The following SYN2 variants were observed in gnomAD, a reference collection of about 807,000 sequenced individuals.
The protein encoded by SYN2 is synapsin II.
Under a neutral mutation model 50.9 loss-of-function variants are expected in SYN2, and 19 were observed. The observed-to-expected ratio is 0.37, with a 90% CI of 0.26 to 0.55. SYN2 has a LOEUF of 0.55. Ranked by LOEUF, SYN2 falls within the 20% of genes least tolerant of loss-of-function variation. The pLI is 0.81. For synonymous variants in SYN2, 255 were observed against 224.9 expected (o/e 1.13, Z -1.20); for missense variants, 587 against 576.4 (o/e 1.02, Z -0.19).
chr3:12,167,116 A>C, intron 7 of SYN2, 118 bp from the exon 8 acceptor site: 3 of 1,002,552 alleles, frequency 3.0e-6, no homozygotes, highest in Non-Finnish European at 4.5e-6. Flanking sequence ...CCCCTGGGCT[A>C]CTTGTGGGAG....
intron 1 of SYN2, among the ~76,000 whole-genome samples, chr3:12,018,641 G>C (rs1273375034): frequency 6.6e-6 from 1 of 152,174 alleles, no homozygotes; most frequent in Non-Finnish European, 1.5e-5. Context: ...GTAGTGATGG[G>C]AGGATTGAGA....
At chr3:12,101,073 A>G (rs552358189) in intron 1 of SYN2, among the ~76,000 whole-genome samples, 75 of 152,286 alleles carry the variant, frequency 4.9e-4, no homozygotes, top group African/African-American at 1.7e-3. Context: ...CAGTTTGTCA[A>G]TTCCTTAGAA....
At chr3:12,050,796 C>T (rs1397716450) in intron 1 of SYN2, among the ~76,000 whole-genome samples, 16 of 120,758 alleles carry the variant, frequency 1.3e-4, no homozygotes, top group Non-Finnish European at 2.1e-4. Flanking sequence ...ACTGCAGTGG[C>T]GCGATCTCGG....
At chr3:12,058,374 C>T (rs536160350) in intron 1 of SYN2, among the ~76,000 whole-genome samples, 2 of 152,230 alleles carry the variant, frequency 1.3e-5, no homozygotes, top group South Asian at 4.1e-4. Context: ...CTAAAGGAAT[C>T]AGAACTCAGA....
chr3:12,181,201 C>G (rs1185466056), intron 10 of SYN2, among the ~76,000 whole-genome samples: 3 of 152,240 alleles, frequency 2.0e-5, no homozygotes, highest in Non-Finnish European at 2.9e-5. Context: ...GTAACCCTCT[C>G]TGGGAATACC....
chr3:12,134,440 G>A (rs1354619471), intron 1 of SYN2, among the ~76,000 whole-genome samples: 3 of 152,202 alleles, frequency 2.0e-5, no homozygotes, highest in Non-Finnish European at 4.4e-5. Flanking sequence ...GGCCCCTGTA[G>A]TGCCCAGAGC....
chr3:12,160,217 G>A lies in SYN2; in HGVS notation c.775-1329G>A, dbSNP rs1574872454. Among the ~76,000 whole-genome samples the A allele has an allele frequency of 1.3e-5, 2 of 152,136 alleles. 1 individual carries two copies. Among genetic ancestry groups the A allele is most frequent in the South Asian group, 4.1e-4 (2 of 4,830 alleles). The stretch of plus-strand genomic sequence containing the variant: ...TTTCCACATGGTGCTGGACTGGATA[G>A]TGGGAGGCTGGGTTCCAATTCTGAC... On this transcript the variant is annotated intron_variant, in intron 5 of 12. Transcript: ENST00000621198.
At chr3:12,147,675 C>T (rs970803775) in intron 4 of SYN2, among the ~76,000 whole-genome samples, 23 of 152,118 alleles carry the variant, frequency 1.5e-4, no homozygotes, top group African/African-American at 5.3e-4. Flanking sequence ...CTATTAGCAG[C>T]TTTTTCTGGG....
At chr3:12,026,926 T>G (rs946146388) in intron 1 of SYN2, among the ~76,000 whole-genome samples, 2 of 152,212 alleles carry the variant, frequency 1.3e-5, no homozygotes, top group African/African-American at 4.8e-5. Context: ...TCAGAAGTGA[T>G]TCCAGTTAGA....
intron 11 of SYN2, chr3:12,184,170 C>G (rs1698288763): frequency 2.8e-5 from 28 of 985,812 alleles, no homozygotes; most frequent in Non-Finnish European, 3.1e-5. Context: ...TATTTTACAT[C>G]CCAGTGTACC....
intron 5 of SYN2, chr3:12,157,624 T>A: frequency 1.4e-6 from 1 of 711,830 alleles, no homozygotes; most frequent in Non-Finnish European, 2.4e-6. Context: ...ACGTGATGTG[T>A]GAGAAGGGGG....
In SYN2 at chr3:12,057,317, GTGTGTGTA is replaced by G. The variant is rs1394734942; in HGVS notation, c.377+52391_377+52398del. ...TGTGTGTGTGTGTGTGTGTGTGTGT[GTGTGTGTA>G]TACTTTTTGACATCTTTAAATCCCT... On this transcript the variant is annotated intron_variant, in intron 1 of 12. Coordinates refer to ENST00000621198, the MANE Select transcript of SYN2 (RefSeq NM_133625.6). Among the ~76,000 whole-genome samples the G allele has an allele frequency of 3.5e-4, 53 of 149,422 alleles. 1 individual carries two copies. The highest frequency in any genetic ancestry group is 9.3e-4 in the Admixed American group (14 of 15,036).
intron 7 of SYN2, among the ~76,000 whole-genome samples, chr3:12,164,984 CTTTTTTTTTTTTTTT>C (rs68043865): frequency 1.1e-5 from 1 of 92,344 alleles, no homozygotes; most frequent in Admixed American, 1.4e-4. Flanking sequence ...TTTTTCTTTT[CTTTTTTTTTTTTTTT>C]TTTTTTGAGA....
intron 1 of SYN2, among the ~76,000 whole-genome samples, chr3:12,130,832 C>G (rs1574956923): frequency 6.6e-6 from 1 of 152,310 alleles, no homozygotes; most frequent in East Asian, 1.9e-4. Flanking sequence ...TGATACTAGA[C>G]TGTCTGTTTA....
intron 1 of SYN2, among the ~76,000 whole-genome samples, chr3:12,034,680 A>G (rs892692046): frequency 2.6e-5 from 4 of 152,140 alleles, no homozygotes; most frequent in African/African-American, 9.7e-5. Context: ...GGAACCTACT[A>G]CTGCAGCAAC....
intron 1 of SYN2, among the ~76,000 whole-genome samples, chr3:12,107,579 G>A (rs558667107): frequency 6.6e-5 from 10 of 152,248 alleles, no homozygotes; most frequent in Non-Finnish European, 1.5e-4. Flanking sequence ...TGACTCATGT[G>A]GAGGCTTCTG....
At chr3:12,185,268 G>A (rs1351895877) in intron 11 of SYN2, 28 of 985,580 alleles carry the variant, frequency 2.8e-5, no homozygotes, top group South Asian at 4.7e-5. Context: ...TTATTTTATC[G>A]TATATTTTTG....
intron 1 of SYN2, among the ~76,000 whole-genome samples, chr3:12,021,831 G>C (rs907823309): frequency 6.6e-6 from 1 of 152,064 alleles, no homozygotes; most frequent in Non-Finnish European, 1.5e-5. Context: ...TTGGGAGGCC[G>C]AGGTGGGCAG....
chr3:12,008,508 A>G (rs979995358), intron 1 of SYN2, among the ~76,000 whole-genome samples: 7 of 152,158 alleles, frequency 4.6e-5, no homozygotes, highest in Admixed American at 6.5e-5. Context: ...CTCCAGTCCC[A>G]CCTCACACCT....
Sources: allele counts gnomAD v4.1 joint callset (sites outside exome capture counted in the v4.1 genomes callset), GRCh38; gene constraint gnomAD v4.1.1; transcripts MANE v1.5; gene names NCBI Gene and HGNC (gene_info 2026-07-23, HGNC 2026-07-21).